Variants in SLC35F1 observed in about 807,000 individuals in gnomAD.
SLC35F1 encodes solute carrier family 35 member F1, also known as chromosome 6 open reading frame 169.
SLC35F1 carries 14 observed loss-of-function variants against 48.7 expected under a neutral mutation model. The observed-to-expected ratio is 0.29, with a 90% CI of 0.19 to 0.45. The LOEUF (loss-of-function observed/expected upper bound fraction) is 0.45. Among genes scored for constraint, SLC35F1 ranks in the 20% least tolerant of loss-of-function variants. The probability of loss-of-function intolerance (pLI) is 1.00; values close to 1 mark genes in which losing one functional copy is unlikely to be tolerated. For missense variants in SLC35F1, 404 were observed against 500.0 expected (o/e 0.81, Z 1.83); for synonymous variants, 190 against 202.2 (o/e 0.94, Z 0.51).
At chr6:118,119,492 GCGC>G (rs1554228986) in intron 1 of SLC35F1, among the ~76,000 whole-genome samples, 9 of 20,668 alleles carry the variant, frequency 4.4e-4, no homozygotes, top group Non-Finnish European at 1.3e-3. Flanking sequence ...GTAATAACCG[GCGC>G]CCCCCCTCCA....
chr6:118,034,145 A>G (rs1395393726), intron 1 of SLC35F1, among the ~76,000 whole-genome samples: 1 of 152,226 alleles, frequency 6.6e-6, no homozygotes, highest in Admixed American at 6.5e-5. Flanking sequence ...TTTTGTGTAA[A>G]GACAGAGTGT....
chr6:118,155,199 G>A (rs1425900138), intron 2 of SLC35F1, among the ~76,000 whole-genome samples: 2 of 152,022 alleles, frequency 1.3e-5, no homozygotes, highest in African/African-American at 4.8e-5. Flanking sequence ...TTTTTTTAAG[G>A]GGCAGTTGCA....
intron 6 of SLC35F1, among the ~76,000 whole-genome samples, chr6:118,277,978 T>C (rs1157718915): frequency 6.6e-6 from 1 of 152,184 alleles, no homozygotes; most frequent in African/African-American, 2.4e-5. Context: ...AACAATGTAA[T>C]GGGCATTCTG....
chr6:118,112,091 CTTTT>C, intron 1 of SLC35F1, among the ~76,000 whole-genome samples: 1 of 24,350 alleles, frequency 4.1e-5, no homozygotes, highest in South Asian at 1.2e-3. Flanking sequence ...TCTTTCTTTT[CTTTT>C]CTTTTCTTTT....
chr6:118,030,996 G>A (rs1361109198), intron 1 of SLC35F1, among the ~76,000 whole-genome samples: 1 of 151,986 alleles, frequency 6.6e-6, no homozygotes, highest in Non-Finnish European at 1.5e-5. Context: ...TAGGTTCACA[G>A]CAAGCCTGAG....
intron 7 of SLC35F1, 117 bp from the exon 8 acceptor site, chr6:118,313,911 C>A: frequency 2.2e-6 from 2 of 905,058 alleles, no homozygotes; most frequent in Non-Finnish European, 1.7e-6. Context: ...TGTTGGCCAA[C>A]TCATCATGCT....
chr6:118,132,150 C>T (rs1262037221), intron 1 of SLC35F1, among the ~76,000 whole-genome samples: 3 of 152,186 alleles, frequency 2.0e-5, no homozygotes. Context: ...TGGATTGCAT[C>T]TCCTTTCTCC....
intron 1 of SLC35F1, among the ~76,000 whole-genome samples, chr6:117,944,107 T>C (rs1776265399): frequency 6.6e-6 from 1 of 152,222 alleles, no homozygotes; most frequent in Admixed American, 6.5e-5. Context: ...CATGATATGA[T>C]AATTTTCTGT....
chr6:118,309,886 G>A (rs959548548), intron 7 of SLC35F1, among the ~76,000 whole-genome samples: 2 of 152,104 alleles, frequency 1.3e-5, no homozygotes, highest in African/African-American at 2.4e-5. Context: ...AAGCCACCTC[G>A]TCCTGTATAA....
intron 1 of SLC35F1, among the ~76,000 whole-genome samples, chr6:118,088,945 C>A (rs935920739): frequency 2.6e-4 from 40 of 152,192 alleles, no homozygotes; most frequent in African/African-American, 9.2e-4. Flanking sequence ...TGTGGACTAG[C>A]AGCAGCTGTG....
intron 1 of SLC35F1, among the ~76,000 whole-genome samples, chr6:118,118,853 C>T (rs1412478272): frequency 6.6e-6 from 1 of 152,018 alleles, no homozygotes; most frequent in Admixed American, 6.6e-5. Context: ...TTATTGATAC[C>T]CATGGTAAGA....
At position 118,194,398 on chromosome 6, in the gene SLC35F1, G is replaced by T. The variant is rs573374308; in HGVS notation, c.349+39778G>T. Among the ~76,000 whole-genome samples, 5 of 152,200 alleles carry T rather than the reference G, an allele frequency of 3.3e-5. No homozygotes were observed. In the South Asian group the frequency reaches 1.0e-3, roughly 32 times the overall value. ...CATTGTAAAATGGCAGACATCAAAA[G>T]AAAGTACTGCCATGTGGTTACAAGG... On this transcript the variant is annotated intron_variant, in intron 2 of 7. Transcript: ENST00000360388.
At chr6:118,021,983 G>C (rs368957420) in intron 1 of SLC35F1, among the ~76,000 whole-genome samples, 2 of 152,264 alleles carry the variant, frequency 1.3e-5, no homozygotes. Flanking sequence ...AATTCTTGCA[G>C]TGTCAAACTT....
chr6:118,067,630 A>G (rs1175975637), intron 1 of SLC35F1, among the ~76,000 whole-genome samples: 2 of 152,236 alleles, frequency 1.3e-5, no homozygotes, highest in Non-Finnish European at 2.9e-5. Flanking sequence ...GAAAATTCAG[A>G]TGGAATAAAG....
chr6:117,961,268 A>T (rs954383421), intron 1 of SLC35F1, among the ~76,000 whole-genome samples: 1 of 152,196 alleles, frequency 6.6e-6, no homozygotes, highest in Admixed American at 6.5e-5. Flanking sequence ...AGATTCAATT[A>T]TTCTGACAAC....
chr6:118,209,997 C>G (rs1013500122), intron 2 of SLC35F1, among the ~76,000 whole-genome samples: 9 of 152,102 alleles, frequency 5.9e-5, no homozygotes, highest in Non-Finnish European at 1.3e-4. Context: ...ATTTAAATGG[C>G]CTGCTATATA....
chr6:118,126,298 C>T (rs137873256), intron 1 of SLC35F1, among the ~76,000 whole-genome samples: 17 of 152,152 alleles, frequency 1.1e-4, no homozygotes, highest in South Asian at 6.2e-4. Context: ...TGTAGATATG[C>T]GGCGTTATTT....
At chr6:117,939,008 C>CTT (rs576443846) in intron 1 of SLC35F1, among the ~76,000 whole-genome samples, 2,354 of 132,044 alleles carry the variant, frequency 0.018, 122 homozygotes, top group Admixed American at 0.11. Flanking sequence ...AATTCTTGTT[C>CTT]TTTTTTTTTT....
intron 1 of SLC35F1, among the ~76,000 whole-genome samples, chr6:118,098,136 T>C (rs1773204527): frequency 6.6e-6 from 1 of 152,212 alleles, no homozygotes; most frequent in African/African-American, 2.4e-5. Flanking sequence ...TAACAGAACT[T>C]ATTTCATTAC....
Sources: allele counts gnomAD v4.1 joint callset (sites outside exome capture counted in the v4.1 genomes callset), GRCh38; gene constraint gnomAD v4.1.1; transcripts MANE v1.5; gene names NCBI Gene and HGNC (gene_info 2026-07-23, HGNC 2026-07-21).